CTNNA3: variants seen among roughly 807,000 people sequenced by gnomAD.
The protein encoded by CTNNA3 is catenin alpha 3, also known as catenin alpha-3.
Under a neutral mutation model 95.7 loss-of-function variants are expected in CTNNA3, and 76 were observed. The ratio of observed to expected loss-of-function variants is 0.79; its 90% CI spans 0.66 to 0.96. The LOEUF is 0.96. CTNNA3 is among the 40% of genes least tolerant of loss of function. CTNNA3 has a pLI of 0.00. For missense variants in CTNNA3, 1,191 were observed against 1,089.8 expected (o/e 1.09, Z -1.31); for synonymous variants, 431 against 374.4 (o/e 1.15, Z -1.74).
At chr10:66,088,781 G>C (rs1589368835) in intron 14 of CTNNA3, among the ~76,000 whole-genome samples, 1 of 151,966 alleles carries the variant, frequency 6.6e-6, no homozygotes, top group East Asian at 1.9e-4. Flanking sequence ...GTATTTCATT[G>C]TTGTTTTCAT....
In CTNNA3 at chr10:67,180,385, G is replaced by A. The variant is rs770268115; in HGVS notation, c.979C>T (p.Arg327Trp). 13 of 1,613,626 alleles carry A rather than the reference G, an allele frequency of 8.1e-6. No homozygotes were observed. The highest frequency in any genetic ancestry group is 1.6e-4 in the Middle Eastern group (1 of 6,080). Residue 327 changes from arginine to tryptophan, a missense_variant, in exon 7 of 18, where the codon CGG (arginine) becomes TGG (tryptophan). Physicochemically the swap from Arg to Trp is moderately radical, Grantham distance 101 (BLOSUM62 -3). Transcript: ENST00000433211. ...SSCTRDLHRERIIAECNAIRQ... is the reference protein window; with the variant it reads ...SSCTRDLHREWIIAECNAIRQ... ...ATGGCGTTGCATTCTGCGATAATCCGCTCTCGGTGTAAGTCCCTCGTACAT... is the reference window on the plus strand; with the variant it reads ...ATGGCGTTGCATTCTGCGATAATCCACTCTCGGTGTAAGTCCCTCGTACAT...
At chr10:67,672,311 C>T (rs1199307921) in intron 1 of CTNNA3, among the ~76,000 whole-genome samples, 3 of 152,056 alleles carry the variant, frequency 2.0e-5, no homozygotes, top group African/African-American at 7.2e-5. Context: ...TTGTGGGTTG[C>T]CTGTTCACTC....
chr10:66,578,064 G>GC, intron 10 of CTNNA3, among the ~76,000 whole-genome samples: 1 of 151,812 alleles, frequency 6.6e-6, no homozygotes, highest in Non-Finnish European at 1.5e-5. Context: ...GTATTCCTAG[G>GC]TATTTTATTC....
chr10:67,577,702 A>ATGTGTGTG (rs112856846), intron 3 of CTNNA3, among the ~76,000 whole-genome samples: 2 of 149,294 alleles, frequency 1.3e-5, no homozygotes, highest in African/African-American at 4.9e-5. Context: ...ATACACACAT[A>ATGTGTGTG]TGTGTGTGTG....
At chr10:66,264,144 T>C (rs968297304) in intron 13 of CTNNA3, among the ~76,000 whole-genome samples, 2 of 152,000 alleles carry the variant, frequency 1.3e-5, no homozygotes, top group African/African-American at 4.8e-5. Flanking sequence ...ATGGCTGATA[T>C]AATATAACTA....
At chr10:66,471,212 T>C (rs1350111578) in intron 11 of CTNNA3, among the ~76,000 whole-genome samples, 1 of 151,904 alleles carries the variant, frequency 6.6e-6, no homozygotes, top group East Asian at 1.9e-4. Flanking sequence ...CTTCTAATAA[T>C]TTGACACTTT....
chr10:66,244,458 G>T (rs1433349881), intron 13 of CTNNA3, among the ~76,000 whole-genome samples: 1 of 152,204 alleles, frequency 6.6e-6, no homozygotes, highest in African/African-American at 2.4e-5. Flanking sequence ...GTGCTGTGCT[G>T]ATTTCAGGTC....
chr10:66,174,941 A>G (rs567692766), intron 13 of CTNNA3, among the ~76,000 whole-genome samples: 11 of 152,246 alleles, frequency 7.2e-5, no homozygotes, highest in African/African-American at 2.6e-4. Context: ...TTACACACAC[A>G]AGCAGTAGTA....
At chr10:66,227,115 C>G (rs1040454715) in intron 13 of CTNNA3, among the ~76,000 whole-genome samples, 9 of 152,100 alleles carry the variant, frequency 5.9e-5, no homozygotes, top group Non-Finnish European at 1.0e-4. Context: ...TCCTCTCATT[C>G]TAGCCTCCTG....
At position 66,606,129 on chromosome 10, in the gene CTNNA3, A is replaced by C. The variant is rs188123912; in HGVS notation, c.1374+15563T>G. On this transcript the variant is annotated intron_variant, in intron 10 of 17. Coordinates refer to ENST00000433211, the MANE Select transcript of CTNNA3 (RefSeq NM_013266.4). ...AGAAAAAAGGGAGGTTGCAATCCTAATTTCAGATAAAACAGACTTTAAACC... is the reference window on the plus strand; with the variant it reads ...AGAAAAAAGGGAGGTTGCAATCCTACTTTCAGATAAAACAGACTTTAAACC... 1.9e-3 allele frequency among the ~76,000 whole-genome samples: 286 copies of C among 152,288 alleles called. 3 individuals are homozygous for C. Among genetic ancestry groups the C allele is most frequent in the Non-Finnish European group, 3.2e-3 (215 of 68,002 alleles).
At chr10:67,231,661 C>T (rs1005728188) in intron 5 of CTNNA3, among the ~76,000 whole-genome samples, 10 of 148,632 alleles carry the variant, frequency 6.7e-5, no homozygotes, top group East Asian at 2.9e-4. Flanking sequence ...AGCAACAGAA[C>T]AAAGCTGGAC....
intron 12 of CTNNA3, among the ~76,000 whole-genome samples, chr10:66,295,104 A>T (rs960481789): frequency 6.6e-6 from 1 of 152,232 alleles, no homozygotes; most frequent in African/African-American, 2.4e-5. Flanking sequence ...GACACCTGTC[A>T]TGTTACAGGA....
chr10:67,459,577 G>T (rs768810788), intron 5 of CTNNA3, among the ~76,000 whole-genome samples: 3 of 152,094 alleles, frequency 2.0e-5, no homozygotes, highest in Non-Finnish European at 2.9e-5. Flanking sequence ...TGTTGGACAT[G>T]AATAAGATTT....
intron 1 of CTNNA3, among the ~76,000 whole-genome samples, chr10:67,650,320 T>C (rs1839840032): frequency 6.6e-6 from 1 of 152,202 alleles, no homozygotes. Flanking sequence ...TTTTAAACTT[T>C]TATCCAAAAG....
intron 5 of CTNNA3, among the ~76,000 whole-genome samples, chr10:67,502,937 T>G (rs978721270): frequency 2.6e-5 from 4 of 152,174 alleles, no homozygotes; most frequent in African/African-American, 9.6e-5. Context: ...GCTACACCAC[T>G]TGGCTCCCTG....
In CTNNA3 at chr10:66,963,547, T is replaced by C. The variant is rs181758489; in HGVS notation, c.1048-188023A>G. ...TATAAGAACAGGATTGGAAAGACTGTGATCAGATGAACTGATCACCTGCAG... is the reference window on the plus strand; with the variant it reads ...TATAAGAACAGGATTGGAAAGACTGCGATCAGATGAACTGATCACCTGCAG... On this transcript the variant is annotated intron_variant, in intron 7 of 17. Coordinates refer to ENST00000433211, the MANE Select transcript of CTNNA3 (RefSeq NM_013266.4). Among the ~76,000 whole-genome samples the C allele has an allele frequency of 6.4e-3, 975 of 152,270 alleles. 4 individuals carry two copies. Among genetic ancestry groups the C allele is most frequent in the Middle Eastern group, 0.017 (5 of 294 alleles).
chr10:66,011,528 A>AT lies in CTNNA3; in HGVS notation c.2160-22732dup, dbSNP rs1459368315. ...TAAACAAATTTCCCACATATATTGC[A>AT]TTTTTTATATACATAGCAAGTCTGG... is the stretch of plus-strand genomic sequence containing the variant. On this transcript the variant is annotated intron_variant, in intron 15 of 17. Coordinates refer to ENST00000433211, the MANE Select transcript of CTNNA3 (RefSeq NM_013266.4). Among the ~76,000 whole-genome samples, 4 of 152,066 alleles carry AT rather than the reference A, an allele frequency of 2.6e-5. No homozygotes were observed. In the South Asian group the frequency reaches 8.3e-4, roughly 32 times the overall value.
chr10:67,687,012 A>C (rs767773608), intron 1 of CTNNA3, among the ~76,000 whole-genome samples: 3 of 152,170 alleles, frequency 2.0e-5, no homozygotes, highest in Non-Finnish European at 2.9e-5. Flanking sequence ...CACAACAAGA[A>C]AGGCATGTGA....
intron 7 of CTNNA3, among the ~76,000 whole-genome samples, chr10:66,941,026 A>C (rs1489144333): frequency 6.6e-6 from 1 of 152,246 alleles, no homozygotes; most frequent in African/African-American, 2.4e-5. Flanking sequence ...TTAATAAAAA[A>C]AAGAAAGCCC....
Sources: gnomAD v4.1 joint callset for allele counts (sites outside exome capture counted in the v4.1 genomes callset) on GRCh38, gnomAD v4.1.1 for gene constraint, MANE v1.5 for transcripts, NCBI Gene and HGNC (gene_info 2026-07-23, HGNC 2026-07-21) for gene names.